COL25A1: variants seen among roughly 807,000 people sequenced by gnomAD.
The protein encoded by COL25A1 is collagen alpha-1(XXV) chain.
A neutral mutation model predicts 128.4 loss-of-function variants in COL25A1; 103 were observed. The ratio of observed to expected loss-of-function variants is 0.80; its 90% CI spans 0.68 to 0.94. The LOEUF (loss-of-function observed/expected upper bound fraction) is 0.94, where lower values mean the gene tolerates loss of function less well. Ranked by LOEUF, COL25A1 falls within the 40% of genes least tolerant of loss-of-function variation. The pLI is 0.00. For synonymous variants in COL25A1, 279 were observed against 277.2 expected (o/e 1.01, Z -0.06); for missense variants, 745 against 840.0 (o/e 0.89, Z 1.40).
intron 6 of COL25A1, among the ~76,000 whole-genome samples, chr4:108,989,158 G>A (rs1753936382): frequency 6.6e-6 from 1 of 152,232 alleles, no homozygotes; most frequent in Admixed American, 6.5e-5. Context: ...AATTGGGACT[G>A]GATCAGTTAG....
intron 3 of COL25A1, among the ~76,000 whole-genome samples, chr4:109,111,110 T>G (rs1408042333): frequency 6.6e-6 from 1 of 152,196 alleles, no homozygotes; most frequent in Non-Finnish European, 1.5e-5. Context: ...ACCTCCTCCC[T>G]GCACATGGAG....
chr4:109,262,626 G>A (rs537755062), intron 3 of COL25A1, among the ~76,000 whole-genome samples: 9 of 152,188 alleles, frequency 5.9e-5, no homozygotes, highest in South Asian at 4.1e-4. Flanking sequence ...TCAGTTCATC[G>A]GTAAAAGTTA....
At chr4:108,893,976 C>A (rs1741844693) in intron 16 of COL25A1, among the ~76,000 whole-genome samples, 4 of 152,072 alleles carry the variant, frequency 2.6e-5, no homozygotes, top group African/African-American at 7.2e-5. Context: ...TCCGTTTTAC[C>A]TGAAGTATTT....
intron 31 of COL25A1, chr4:108,837,982 GT>G: frequency 1.3e-6 from 1 of 766,428 alleles, no homozygotes; most frequent in East Asian, 2.7e-5. Context: ...AATATAATAT[GT>G]TTTCTAATTA....
At chr4:108,860,261 T>G (rs747461420) in intron 23 of COL25A1, among the ~76,000 whole-genome samples, 1 of 152,100 alleles carries the variant, frequency 6.6e-6, no homozygotes, top group Non-Finnish European at 1.5e-5. Context: ...CCAGCTAGTT[T>G]TTGTATTTTT....
At chr4:108,908,524 G>C (rs1743803850) in intron 13 of COL25A1, among the ~76,000 whole-genome samples, 1 of 152,146 alleles carries the variant, frequency 6.6e-6, no homozygotes, top group Non-Finnish European at 1.5e-5. Flanking sequence ...AAAACCCCTA[G>C]CCTGGACTAT....
chr4:109,117,414 T>C (rs190168081), intron 3 of COL25A1, among the ~76,000 whole-genome samples: 2 of 151,962 alleles, frequency 1.3e-5, no homozygotes, highest in African/African-American at 4.8e-5. Flanking sequence ...CTCTGTGAAA[T>C]TATTCTTCAT....
At chr4:108,989,828 T>C (rs530097903) in intron 6 of COL25A1, among the ~76,000 whole-genome samples, 2 of 152,318 alleles carry the variant, frequency 1.3e-5, no homozygotes, top group South Asian at 4.1e-4. Flanking sequence ...AAAATAAGTA[T>C]ATATTTAAAA....
rs150298506 is a variant in COL25A1 at position 109,064,959 on chromosome 4, G to A, written c.368-14780C>T. ...CTCCTTGAGGAGGTACAGGGTAGAAGTAGAACATGGTGTATCCAATGCACC... is the reference window on the plus strand; with the variant it reads ...CTCCTTGAGGAGGTACAGGGTAGAAATAGAACATGGTGTATCCAATGCACC... On this transcript the variant is annotated intron_variant, in intron 3 of 37. Coordinates refer to ENST00000399132, the MANE Select transcript of COL25A1 (RefSeq NM_198721.4). Among the ~76,000 whole-genome samples the A allele has an allele frequency of 5.0e-3, 757 of 152,300 alleles. 6 individuals are homozygous for A. Among genetic ancestry groups the A allele is most frequent in the Middle Eastern group, 0.034 (10 of 294 alleles).
At chr4:108,961,176 A>G (rs1054225050) in intron 8 of COL25A1, among the ~76,000 whole-genome samples, 3 of 152,168 alleles carry the variant, frequency 2.0e-5, no homozygotes, top group African/African-American at 7.2e-5. Flanking sequence ...ACATTTGTGC[A>G]TGTTTAGATC....
chr4:109,006,683 A>C (rs1208339035), intron 6 of COL25A1, among the ~76,000 whole-genome samples: 4 of 152,170 alleles, frequency 2.6e-5, no homozygotes, highest in Non-Finnish European at 5.9e-5. Context: ...TGTAAGATTT[A>C]ATTTTATAAA....
intron 3 of COL25A1, among the ~76,000 whole-genome samples, chr4:109,247,576 G>C (rs1456321352): frequency 6.6e-6 from 1 of 152,136 alleles, no homozygotes; most frequent in East Asian, 1.9e-4. Flanking sequence ...TAAAACCAAT[G>C]AATGTTAGAA....
chr4:109,244,774 C>T (rs144943978), intron 3 of COL25A1, among the ~76,000 whole-genome samples: 71 of 152,188 alleles, frequency 4.7e-4, no homozygotes, highest in African/African-American at 1.7e-3. Context: ...TAGTGCGTTG[C>T]CTCACAGAAT....
At chr4:109,155,145 A>G (rs1037821973) in intron 3 of COL25A1, among the ~76,000 whole-genome samples, 3 of 152,218 alleles carry the variant, frequency 2.0e-5, no homozygotes, top group African/African-American at 7.2e-5. Context: ...GGGAGCATAA[A>G]GCTAACCAAA....
At chr4:109,254,469 T>TTATATATACACATA (rs1553968360) in intron 3 of COL25A1, among the ~76,000 whole-genome samples, 4 of 59,592 alleles carry the variant, frequency 6.7e-5, no homozygotes, top group African/African-American at 2.2e-4. Flanking sequence ...AGGCATATGT[T>TTATATATACACATA]TATATATATA....
intron 3 of COL25A1, among the ~76,000 whole-genome samples, chr4:109,231,832 A>G (rs1779183426): frequency 1.3e-5 from 2 of 152,220 alleles, no homozygotes; most frequent in African/African-American, 4.8e-5. Flanking sequence ...CAAGTCAGAA[A>G]CTTGCTGAAT....
intron 24 of COL25A1, among the ~76,000 whole-genome samples, chr4:108,856,855 G>T (rs2125783406): frequency 6.6e-6 from 1 of 152,134 alleles, no homozygotes; most frequent in South Asian, 2.1e-4. Flanking sequence ...GTGTTCAGAA[G>T]CTCTGAAAAA....
chr4:109,119,321 T>TCCAGAATAAGC (rs1371630432), intron 3 of COL25A1, among the ~76,000 whole-genome samples: 25 of 151,620 alleles, frequency 1.6e-4, no homozygotes, highest in African/African-American at 5.6e-4. Context: ...ACAAATTAAA[T>TCCAGAATAAGC]CCAGAATAAG....
At chr4:109,051,353 G>A (rs1760965345) in intron 3 of COL25A1, among the ~76,000 whole-genome samples, 1 of 152,130 alleles carries the variant, frequency 6.6e-6, no homozygotes, top group Non-Finnish European at 1.5e-5. Flanking sequence ...CTGACCGTCT[G>A]TATTTTGTAA....
Sources: allele counts gnomAD v4.1 joint callset (sites outside exome capture counted in the v4.1 genomes callset), GRCh38; gene constraint gnomAD v4.1.1; transcripts MANE v1.5; gene names NCBI Gene and HGNC (gene_info 2026-07-23, HGNC 2026-07-21).